Variants in PLBD2 observed in about 807,000 individuals in gnomAD.
The protein encoded by PLBD2 is putative aminopeptidase PLBD2.
A neutral mutation model predicts 68.3 loss-of-function variants in PLBD2; 51 were observed. The ratio of observed to expected loss-of-function variants is 0.75; its 90% confidence interval spans 0.60 to 0.94. The LOEUF is 0.94. PLBD2 is among the 40% of genes least tolerant of loss of function. The pLI is 0.00. For synonymous variants in PLBD2, 314 were observed against 339.3 expected, an observed-to-expected ratio of 0.93 and a Z score of 0.82; for missense variants, 729 against 792.2, an observed-to-expected ratio of 0.92 and a Z score of 0.96.
intron 1 of PLBD2, among the ~76,000 whole-genome samples, chr12:113,366,338 A>G (rs749189848): frequency 1.3e-5 from 2 of 152,200 alleles, no homozygotes; most frequent in Non-Finnish European, 2.9e-5. Context: ...TAGAAATGAC[A>G]TGAGTGAATA....
rs1957523401 is a variant in PLBD2 at position 113,384,124 on chromosome 12, T to TG, written c.977_978insG (p.Ile326MetfsTer50). The TG allele has an allele frequency of 6.2e-7, 1 of 1,610,866 alleles. No homozygotes were observed. Among genetic ancestry groups the TG allele is most frequent in the Non-Finnish European group, 8.5e-7 (1 of 1,178,008 alleles). The stretch of plus-strand genomic sequence containing the variant: ...CCACAGGTGACACTGGAGACCACCA[T>TG]TGGCAACAAGAACCCAGCCCTGTGG... On this transcript the variant is annotated frameshift_variant, in exon 7 of 12. Transcript: ENST00000280800. LOFTEE classifies it high-confidence loss of function. This position sits in a 1 kb window ranked among gnomAD's most constrained non-coding sequence, Gnocchi z 4.2.
rs12425042 is a variant in PLBD2, at chr12:113,387,874, C to T, written c.1570C>T (p.Arg524Cys). 0.13 allele frequency: 205,733 copies of T among 1,613,962 alleles called. 14,155 individuals carry two copies. Among genetic ancestry groups the T allele is most frequent in the Middle Eastern group, 0.16 (973 of 6,062 alleles). The change falls in exon 11 of 12, where the codon CGT becomes TGT. Residue 524 changes from arginine to cysteine, a missense_variant. By Grantham distance (180) the Arg-to-Cys change is radical. Coordinates refer to ENST00000280800, the MANE Select transcript of PLBD2 (RefSeq NM_173542.4). ...ANGSYPFQALRQRSHGGIDVK... is the reference protein window; with the variant it reads ...ANGSYPFQALCQRSHGGIDVK... ...TGGCTCCTACCCCTTCCAGGCCCTG[C>T]GTCAGCGCTCCCATGGGGGTATCGA...
At position 113,387,488 on chromosome 12, in the gene PLBD2, C is replaced by T. The variant is rs1374671241; in HGVS notation, c.1440-256C>T. ...TATCCAGGAACAAACGGGTGCCTCA[C>T]CTGGCTGGGGTGGTGGCATGGAGGC... On this transcript the variant is annotated intron_variant, in intron 10 of 11. Coordinates refer to ENST00000280800, the MANE Select transcript of PLBD2 (RefSeq NM_173542.4). 2.0e-5 allele frequency among the ~76,000 whole-genome samples: 3 copies of T among 152,148 alleles called. No homozygotes were observed. In the South Asian group the frequency reaches 6.2e-4, roughly 32 times the overall value.
At chr12:113,368,932 A>G (rs1450266356) in intron 1 of PLBD2, among the ~76,000 whole-genome samples, 184 bp from the exon 2 acceptor site, 2 of 152,096 alleles carry the variant, frequency 1.3e-5, no homozygotes, top group African/African-American at 4.8e-5. Flanking sequence ...AAATACGTGT[A>G]CCCTTTGAGC....
At chr12:113,361,327 G>GTTTT (rs1365358257) in intron 1 of PLBD2, among the ~76,000 whole-genome samples, 135 of 127,850 alleles carry the variant, frequency 1.1e-3, no homozygotes, top group South Asian at 4.1e-3. Context: ...TTTAAAAAAG[G>GTTTT]TTTTTTTTTT....
chr12:113,372,939 C>G lies in PLBD2; in HGVS notation c.543+132C>G. ...TCTGTTTCCATCATCATCTCCATCC[C>G]TCCTAGCCGACCTGCCACTCATCCA... On this transcript the variant is annotated intron_variant, in intron 3 of 11. Transcript: ENST00000280800. This position sits in a 1 kb window ranked among gnomAD's most constrained non-coding sequence, Gnocchi z 4.2. The G allele has an allele frequency of 3.9e-6, 4 of 1,038,066 alleles. No individual in the cohort carries two copies. The South Asian group carries it at 6.4e-5, about 17-fold the overall frequency. 64.3% of individuals were successfully genotyped at this position (1,038,066 alleles called of 1,614,324 possible).
chr12:113,387,957 A>G (rs369159242), intron 11 of PLBD2, 51 bp downstream of exon 11: 2 of 1,596,784 alleles, frequency 1.3e-6, no homozygotes, highest in Non-Finnish European at 1.7e-6. Flanking sequence ...AGTCACCATC[A>G]CCAGCTTTGG....
chr12:113,369,076 G>C, intron 1 of PLBD2, 40 bp from the exon 2 acceptor site: 1 of 1,422,090 alleles, frequency 7.0e-7, no homozygotes, highest in Admixed American at 2.0e-5. Context: ...CTAGCTGGGG[G>C]CCTCTGCTGC....
At chr12:113,367,518 G>A (rs1441776681) in intron 1 of PLBD2, among the ~76,000 whole-genome samples, 2 of 152,114 alleles carry the variant, frequency 1.3e-5, no homozygotes, top group Non-Finnish European at 2.9e-5. Flanking sequence ...GGGAGGCCGA[G>A]GCAGGTGGAT....
rs114811320 is a variant in PLBD2, at chr12:113,368,469, G to A, written c.291-647G>A. Among the ~76,000 whole-genome samples the A allele has an allele frequency of 4.7e-3, 716 of 152,290 alleles. 4 individuals carry two copies. The highest frequency in any genetic ancestry group is 0.017 in the African/African-American group (692 of 41,546). ...CGGGGCTTGTTCTTCCCATGGTGATGGCAGAGGCACAAAGGGGCAAGTGAG... is the reference window on the plus strand; with the variant it reads ...CGGGGCTTGTTCTTCCCATGGTGATAGCAGAGGCACAAAGGGGCAAGTGAG... On this transcript the variant is annotated intron_variant, in intron 1 of 11. Transcript: ENST00000280800.
In PLBD2 at chr12:113,385,281, A is replaced by G; in HGVS notation, c.1284A>G (p.Ile428Met). 2 of 1,613,896 alleles carry G rather than the reference A, an allele frequency of 1.2e-6. No individual in the cohort carries two copies. Among genetic ancestry groups the G allele is most frequent in the African/African-American group, 1.3e-5 (1 of 74,980 alleles). Residue 428 changes from isoleucine (I) to methionine (M), a missense_variant and splice_region_variant, in exon 9 of 12, where the codon ATA (isoleucine) becomes ATG (methionine). Transcript: ENST00000280800. ...AGACCTACTGGGCCAGCTACAACAT[A>G]CCGTGCGTGCCTTCTCACTCCGCTC... is the stretch of plus-strand genomic sequence containing the variant. ...YQKTYWASYN[I>M]PSFETVFNAS...
chr12:113,362,691 C>G (rs1413554759), intron 1 of PLBD2, among the ~76,000 whole-genome samples: 1 of 151,790 alleles, frequency 6.6e-6, no homozygotes, highest in Admixed American at 6.6e-5. Context: ...CAATATTTGT[C>G]AACCCCTGTC....
chr12:113,369,812 G>A (rs944263219), intron 2 of PLBD2, among the ~76,000 whole-genome samples: 2 of 152,082 alleles, frequency 1.3e-5, no homozygotes, highest in Admixed American at 1.3e-4. Context: ...GATGGGTATG[G>A]GGTTTCTTTC....
chr12:113,359,739 G>A (rs1957272567), intron 1 of PLBD2, among the ~76,000 whole-genome samples: 1 of 152,164 alleles, frequency 6.6e-6, no homozygotes, highest in Admixed American at 6.5e-5. Flanking sequence ...TACCCTGATG[G>A]TTGGCCTTAG....
At chr12:113,367,698 C>T (rs1413706549) in intron 1 of PLBD2, among the ~76,000 whole-genome samples, 1 of 149,890 alleles carries the variant, frequency 6.7e-6, no homozygotes, top group Non-Finnish European at 1.5e-5. Context: ...CTGCAGTGTG[C>T]CAAGATCATG....
chr12:113,383,923 T>C (rs1957520096), intron 6 of PLBD2, among the ~76,000 whole-genome samples, 182 bp from the exon 7 acceptor site: 2 of 145,256 alleles, frequency 1.4e-5, no homozygotes, highest in African/African-American at 5.2e-5. Context: ...TGCTTGAACT[T>C]GGGAGGCGGA....
chr12:113,385,995 C>T (rs1957547893), intron 9 of PLBD2, among the ~76,000 whole-genome samples: 1 of 152,226 alleles, frequency 6.6e-6, no homozygotes, highest in Non-Finnish European at 1.5e-5. Context: ...AAGTGATCCG[C>T]CTGCCTTGGC....
chr12:113,367,607 G>A (rs1957351917), intron 1 of PLBD2, among the ~76,000 whole-genome samples: 1 of 152,048 alleles, frequency 6.6e-6, no homozygotes, highest in African/African-American at 2.4e-5. Context: ...AAAATTAGCT[G>A]GGTGTGGTGG....
At chr12:113,374,181 C>T (rs1186436800) in intron 3 of PLBD2, among the ~76,000 whole-genome samples, 1 of 152,164 alleles carries the variant, frequency 6.6e-6, no homozygotes, top group East Asian at 1.9e-4. Context: ...GAGGCCAGGC[C>T]AGGCTGGGAG....
Sources: allele counts gnomAD v4.1 joint callset (sites outside exome capture counted in the v4.1 genomes callset), GRCh38; gene constraint gnomAD v4.1.1; non-coding constraint Gnocchi (gnomAD v3.1); transcripts MANE v1.5; gene names NCBI Gene and HGNC (gene_info 2026-07-23, HGNC 2026-07-21).